PSPC1: variants seen among roughly 807,000 people sequenced by gnomAD.
The protein encoded by PSPC1 is paraspeckle component 1.
In PSPC1, 14 loss-of-function variants were observed where a neutral mutation model predicts 51.6. The observed-to-expected ratio is 0.27, with a 90% CI of 0.18 to 0.42. The LOEUF (loss-of-function observed/expected upper bound fraction) is 0.42, where lower values mean the gene tolerates loss of function less well. PSPC1 is among the 10% of genes least tolerant of loss of function. The pLI, the probability that PSPC1 is intolerant of heterozygous loss-of-function variation, is 1.00. For missense variants in PSPC1, 406 were observed against 701.1 expected, an observed-to-expected ratio of 0.58 and a Z score of 4.75; for synonymous variants, 193 against 231.9, an observed-to-expected ratio of 0.83 and a Z score of 1.53.
chr13:19,675,766 G>C (rs1385463917), intron 7 of PSPC1: 1 of 152,170 alleles, frequency 6.6e-6, no homozygotes, highest in Admixed American at 6.5e-5. Flanking sequence ...TAGAATCACT[G>C]ACCAGCAGAC....
In PSPC1 at chr13:19,782,818, T is replaced by C; in HGVS notation, c.-61A>G. ...TAGATTTATAGACAGTGTGTCTATA[T>C]ATATGTATACGTCTCTACATAAACC... On this transcript the variant is annotated 5_prime_UTR_variant, in exon 1 of 9. In the 5' UTR this introduces an upstream ATG that the reference lacks. Coordinates refer to ENST00000338910, the MANE Select transcript of PSPC1 (RefSeq NM_001354909.2). The surrounding 1 kb of genome is among the most constrained non-coding windows in gnomAD (Gnocchi z 4.5). The C allele has an allele frequency of 6.9e-7, 1 of 1,457,708 alleles. No individual in the cohort carries two copies. Among genetic ancestry groups the C allele is most frequent in the Non-Finnish European group, 9.0e-7 (1 of 1,114,914 alleles). The allele number at this position is 1,457,708 out of a possible 1,614,324, so 90.3% of individuals were successfully genotyped here. A position where few individuals can be genotyped will look rare whatever the true frequency, so the allele number is the denominator to read the frequency against.
At chr13:19,746,004 T>G (rs1885936812) in intron 4 of PSPC1, among the ~76,000 whole-genome samples, 1 of 150,958 alleles carries the variant, frequency 6.6e-6, no homozygotes, top group Non-Finnish European at 1.5e-5. Flanking sequence ...TTTGTTTTGT[T>G]TTTTGTTTTT....
intron 6 of PSPC1, among the ~76,000 whole-genome samples, chr13:19,680,394 A>ACTGGT (rs1877143819): frequency 6.6e-6 from 1 of 152,046 alleles, no homozygotes; most frequent in Non-Finnish European, 1.5e-5. Context: ...TTCTGTTTAA[A>ACTGGT]CTGGTCTTAC....
downstream of PSPC1, among the ~76,000 whole-genome samples, chr13:19,671,552 T>C (rs1356998430): frequency 6.6e-6 from 1 of 152,182 alleles, no homozygotes; most frequent in African/African-American, 2.4e-5. Context: ...TAGGCCTTGG[T>C]ATGGAGTTGC....
chr13:19,728,956 A>C (rs1883707503), intron 6 of PSPC1, among the ~76,000 whole-genome samples: 1 of 152,168 alleles, frequency 6.6e-6, no homozygotes, highest in African/African-American at 2.4e-5. Flanking sequence ...AAAGGTCAGA[A>C]AAAAATATTT....
chr13:19,687,851 C>G (rs898962528), intron 6 of PSPC1, among the ~76,000 whole-genome samples: 2 of 152,140 alleles, frequency 1.3e-5, no homozygotes, highest in Non-Finnish European at 2.9e-5. Context: ...TGCCAAAAAT[C>G]TCCTAACGAT....
chr13:19,737,432 T>G (rs1002871318), intron 5 of PSPC1, among the ~76,000 whole-genome samples: 53 of 152,204 alleles, frequency 3.5e-4, no homozygotes, highest in African/African-American at 1.2e-3. Flanking sequence ...TGGGTTTGTT[T>G]TTTCTCATAA....
intron 5 of PSPC1, among the ~76,000 whole-genome samples, chr13:19,733,391 T>C (rs999320518): frequency 6.6e-6 from 1 of 151,982 alleles, no homozygotes; most frequent in Non-Finnish European, 1.5e-5. Context: ...ATTACTGGGA[T>C]TACTTTGGGA....
At chr13:19,715,356 T>TGGTAAACATGCCACTACTGGCAC (rs1881970108) in intron 6 of PSPC1, among the ~76,000 whole-genome samples, 1 of 152,176 alleles carries the variant, frequency 6.6e-6, no homozygotes, top group South Asian at 2.1e-4. Context: ...CAAAGTGGCA[T>TGGTAAACATGCCACTACTGGCAC]GGTAAACATG....
intron 6 of PSPC1, among the ~76,000 whole-genome samples, chr13:19,683,599 G>T (rs1445685609): frequency 6.6e-6 from 1 of 152,116 alleles, no homozygotes; most frequent in Non-Finnish European, 1.5e-5. Flanking sequence ...AACTGACAGG[G>T]TAACCCTAAA....
chr13:19,673,146 G>A (rs529343538), downstream of PSPC1: 13 of 450,714 alleles, frequency 2.9e-5, no homozygotes, highest in East Asian at 3.5e-4. Flanking sequence ...TTTGAACACC[G>A]ACTGGGAAGA....
chr13:19,745,658 C>T (rs1460173754), intron 4 of PSPC1, among the ~76,000 whole-genome samples: 1 of 144,760 alleles, frequency 6.9e-6, no homozygotes, highest in Non-Finnish European at 1.5e-5. Flanking sequence ...CTCGCTCTGT[C>T]GCCCTGGCTG....
chr13:19,726,461 G>C (rs1675185062), intron 6 of PSPC1, among the ~76,000 whole-genome samples: 2 of 152,158 alleles, frequency 1.3e-5, no homozygotes, highest in African/African-American at 4.8e-5. Flanking sequence ...ATATTGCAAG[G>C]TTGAAAACTA....
intron 2 of PSPC1, among the ~76,000 whole-genome samples, chr13:19,768,066 A>T (rs1437917326): frequency 6.6e-6 from 1 of 151,846 alleles, no homozygotes; most frequent in African/African-American, 2.4e-5. Flanking sequence ...TTAAAAAAAA[A>T]TTCAAAAAAT....
At chr13:19,753,916 A>G (rs1181809732) in intron 3 of PSPC1, among the ~76,000 whole-genome samples, 2 of 152,104 alleles carry the variant, frequency 1.3e-5, no homozygotes, top group African/African-American at 4.8e-5. Flanking sequence ...TAATTTTTCT[A>G]AAAGAATTGT....
At chr13:19,725,450 T>C (rs1298384562) in intron 6 of PSPC1, among the ~76,000 whole-genome samples, 1 of 152,190 alleles carries the variant, frequency 6.6e-6, no homozygotes. Context: ...GCCACTTTTA[T>C]AGATTCCCTT....
intron 5 of PSPC1, among the ~76,000 whole-genome samples, chr13:19,731,805 T>C (rs545962869): frequency 1.3e-5 from 2 of 152,266 alleles, no homozygotes; most frequent in South Asian, 2.1e-4. Context: ...ACAATGCAAA[T>C]ACTGAAAATG....
downstream of PSPC1, among the ~76,000 whole-genome samples, chr13:19,698,654 C>T (rs1051652313): frequency 7.2e-5 from 11 of 151,756 alleles, no homozygotes; most frequent in Admixed American, 2.0e-4. Flanking sequence ...AGCAGAATAC[C>T]ATCTCTTTTA....
At chr13:19,711,970 C>A (rs978175798) in intron 6 of PSPC1, among the ~76,000 whole-genome samples, 2 of 152,140 alleles carry the variant, frequency 1.3e-5, no homozygotes, top group Non-Finnish European at 2.9e-5. Context: ...TTGCCATTTC[C>A]TTATCACTAC....
Sources: gnomAD v4.1 joint callset for allele counts (sites outside exome capture counted in the v4.1 genomes callset) on GRCh38, gnomAD v4.1.1 for gene constraint, Gnocchi (gnomAD v3.1) non-coding constraint, MANE v1.5 for transcripts, NCBI Gene and HGNC (gene_info 2026-07-23, HGNC 2026-07-21) for gene names.